Variants in MORC3 observed in about 807,000 individuals in gnomAD.
The protein encoded by MORC3 is MORC family CW-type zinc finger 3.
In MORC3, 31 loss-of-function variants were observed where a neutral mutation model predicts 109.1. The ratio of observed to expected loss-of-function variants is 0.28; its 90% CI spans 0.21 to 0.38. The LOEUF (loss-of-function observed/expected upper bound fraction) is 0.38. MORC3 is among the 10% of genes least tolerant of loss of function. MORC3 has a pLI of 1.00. For missense variants in MORC3, 867 were observed against 1,135.8 expected, an observed-to-expected ratio of 0.76 and a Z score of 3.40; for synonymous variants, 395 against 380.7, an observed-to-expected ratio of 1.04 and a Z score of -0.44.
intron 1 of MORC3, among the ~76,000 whole-genome samples, chr21:36,321,040 G>T (rs192869829): frequency 5.2e-4 from 79 of 152,334 alleles, no homozygotes; most frequent in Admixed American, 1.2e-3. Flanking sequence ...TTTCTACCTT[G>T]TGAGCGCAGT....
rs888872772 is a variant in MORC3 at position 36,375,575 on chromosome 21, C to T, written c.*279C>T. ...TAAGCCTGCACATATTTTTTTATTG[C>T]CCTAGAGTACTCAAGTGTTTTTCAC... On this transcript the variant is annotated 3_prime_UTR_variant, in exon 17 of 17. Transcript: ENST00000400485. 10 of 217,758 alleles carry T rather than the reference C, an allele frequency of 4.6e-5. No homozygotes were observed. The Admixed American group carries it at 5.6e-4, about 12-fold the overall frequency. The allele number at this position is 217,758 out of a possible 1,614,324, so 13.5% of individuals were successfully genotyped here. A position where few individuals can be genotyped will look rare whatever the true frequency, so the allele number is the denominator to read the frequency against.
rs148846338 is a variant in MORC3, at chr21:36,368,973, T to C, written c.1620-15T>C. ...ATTTTATAATCTTATGTTTTATGTA[T>C]AAAATTTTTTTCAGCTTGAAACGGA... On this transcript the variant is annotated splice_polypyrimidine_tract_variant and intron_variant, in intron 14 of 16. Transcript: ENST00000400485. 1.9e-6 allele frequency: 3 copies of C among 1,569,368 alleles called. No individual in the cohort carries two copies. Among genetic ancestry groups the C allele is most frequent in the South Asian group, 1.2e-5 (1 of 85,550 alleles).
intron 4 of MORC3, 135 bp from the exon 5 acceptor site, chr21:36,338,639 C>T (rs1185494049): frequency 4.8e-6 from 4 of 840,190 alleles, no homozygotes; most frequent in South Asian, 2.1e-5. Context: ...ATAGTGAGAC[C>T]CTATCTCACA....
intron 1 of MORC3, among the ~76,000 whole-genome samples, chr21:36,325,619 C>T (rs1463346214): frequency 3.3e-5 from 5 of 152,230 alleles, no homozygotes; most frequent in Admixed American, 3.3e-4. Context: ...TCTCCAGCAC[C>T]TGACAAACAC....
intron 6 of MORC3, 39 bp downstream of exon 6, chr21:36,341,585 T>C (rs754620993): frequency 7.4e-6 from 12 of 1,612,370 alleles, no homozygotes; most frequent in South Asian, 3.3e-5. Context: ...GAGAAAATCA[T>C]TGAATGCTGG....
rs761379498 is a variant in MORC3, at chr21:36,369,196, G to A, written c.1828G>A (p.Val610Ile). Residue 610 changes from valine (V) to isoleucine (I), a missense_variant, in exon 15 of 17, where the codon GTT (valine) becomes ATT (isoleucine). By Grantham distance (29) the Val-to-Ile change is conservative. This residue lies in a region of MORC3 where 486 missense variants were observed against 502.1 expected (regional missense o/e 0.97). Transcript: ENST00000400485. ...QSHVEQGGVQVEFVGDSEPCG... is the reference protein window; with the variant it reads ...QSHVEQGGVQIEFVGDSEPCG... ...TCACGTTGAGCAAGGTGGTGTTCAG[G>A]TTGAGTTTGTGGGTGACAGTGAACC... 1.2e-6 allele frequency: 2 copies of A among 1,614,022 alleles called. No homozygotes were observed. The highest frequency in any genetic ancestry group is 1.7e-6 in the Non-Finnish European group (2 of 1,180,044).
At chr21:36,356,446 A>G (rs2085646162) in intron 9 of MORC3, among the ~76,000 whole-genome samples, 174 bp from the exon 10 acceptor site, 2 of 152,256 alleles carry the variant, frequency 1.3e-5, no homozygotes, top group South Asian at 2.1e-4. Context: ...AAAATTGTGT[A>G]TAAGTGCAGT....
At chr21:36,334,127 G>A (rs757880786) in intron 2 of MORC3, among the ~76,000 whole-genome samples, 1 of 152,062 alleles carries the variant, frequency 6.6e-6, no homozygotes, top group Non-Finnish European at 1.5e-5. Context: ...TGGTGGTGCA[G>A]GCCTGTGGTC....
At chr21:36,341,670 A>G in intron 6 of MORC3, 124 bp downstream of exon 6, 2 of 1,356,226 alleles carry the variant, frequency 1.5e-6, no homozygotes, top group Non-Finnish European at 2.0e-6. Context: ...AGTATCTCAG[A>G]CATGATTTTC....
chr21:36,322,102 A>C (rs778230360), intron 1 of MORC3, among the ~76,000 whole-genome samples: 9 of 152,212 alleles, frequency 5.9e-5, no homozygotes, highest in Non-Finnish European at 1.2e-4. Flanking sequence ...AATCCAGCCC[A>C]GCACCTGTTT....
chr21:36,366,633 G>A lies in MORC3; in HGVS notation c.1620-2355G>A, dbSNP rs531100345. Among the ~76,000 whole-genome samples, 15 of 152,158 alleles carry A rather than the reference G, an allele frequency of 9.9e-5. 1 individual carries two copies. In the South Asian group the frequency reaches 2.9e-3, roughly 29 times the overall value. ...CCATGCCCTGCTAATTTATTGTGTT[G>A]TAGTATAGATGGGGGTTCACCATAT... is the stretch of plus-strand genomic sequence containing the variant. On this transcript the variant is annotated intron_variant, in intron 14 of 16. Transcript: ENST00000400485.
At chr21:36,355,333 C>T (rs2085633522) in intron 9 of MORC3, among the ~76,000 whole-genome samples, 1 of 152,134 alleles carries the variant, frequency 6.6e-6, no homozygotes, top group African/African-American at 2.4e-5. Flanking sequence ...AAAAGGCAGT[C>T]CTTTACTGGC....
chr21:36,359,973 A>C lies in MORC3; in HGVS notation c.1227A>C (p.Thr409=). 5 of 1,614,178 alleles carry C rather than the reference A, an allele frequency of 3.1e-6. No individual in the cohort carries two copies. The highest frequency in any genetic ancestry group is 4.2e-6 in the Non-Finnish European group (5 of 1,180,012). Residue 409 remains threonine, a synonymous_variant, in exon 11 of 17, where the codon ACA becomes ACC. Transcript: ENST00000400485. ...GGGACAGGAAGCGTCCTGATCAGAC[A>C]TGGGTTCAGTGTGATGCCTGTCTAA... The part of the protein sequence containing the change: ...VEDIQKRPDQ[T]WVQCDACLKW...
chr21:36,331,138 G>C (rs116774170), intron 1 of MORC3, among the ~76,000 whole-genome samples: 4,015 of 152,278 alleles, frequency 0.026, 160 homozygotes, highest in African/African-American at 0.088. Flanking sequence ...TACAGATGTG[G>C]TTGGCTTGAT....
chr21:36,323,143 G>A (rs974101559), intron 1 of MORC3, among the ~76,000 whole-genome samples: 7 of 152,110 alleles, frequency 4.6e-5, no homozygotes, highest in African/African-American at 1.2e-4. Flanking sequence ...GGGAGTCATC[G>A]GCTCAGTCGT....
intron 3 of MORC3, among the ~76,000 whole-genome samples, chr21:36,337,375 G>T (rs554064459): frequency 6.6e-6 from 1 of 152,126 alleles, no homozygotes; most frequent in African/African-American, 2.4e-5. Context: ...TCACAGTCCC[G>T]GAAGCATGGG....
At chr21:36,351,222 C>G (rs1190826767) in intron 9 of MORC3, among the ~76,000 whole-genome samples, 3 of 151,946 alleles carry the variant, frequency 2.0e-5, no homozygotes, top group Non-Finnish European at 2.9e-5. Context: ...CATGCACCAC[C>G]ATGCCCAGCT....
At chr21:36,335,298 G>T (rs533141229) in intron 2 of MORC3, among the ~76,000 whole-genome samples, 8 of 140,516 alleles carry the variant, frequency 5.7e-5, no homozygotes, top group African/African-American at 1.9e-4. Flanking sequence ...GAAGATAAAA[G>T]AAAAAGAAGG....
At chr21:36,335,610 C>T (rs1351348028) in intron 2 of MORC3, among the ~76,000 whole-genome samples, 1 of 152,068 alleles carries the variant, frequency 6.6e-6, no homozygotes, top group Admixed American at 6.6e-5. Flanking sequence ...GCCGCTGCGC[C>T]CAGCCCTATT....
Sources: gnomAD v4.1 joint callset for allele counts (sites outside exome capture counted in the v4.1 genomes callset) on GRCh38, gnomAD v4.1.1 for gene constraint, gnomAD v4.1.1 regional missense constraint, MANE v1.5 for transcripts, NCBI Gene and HGNC (gene_info 2026-07-23, HGNC 2026-07-21) for gene names.